CACNB4: variants seen among roughly 807,000 people sequenced by gnomAD.
CACNB4 encodes calcium voltage-gated channel auxiliary subunit beta 4.
In CACNB4, 32 loss-of-function variants were observed where a neutral mutation model predicts 71.2. The observed-to-expected ratio is 0.45, with a 90% CI of 0.34 to 0.60. The LOEUF (loss-of-function observed/expected upper bound fraction) is 0.60. CACNB4 is among the 20% of genes least tolerant of loss of function. CACNB4 has a pLI of 0.01. For missense variants in CACNB4, 464 were observed against 647.9 expected (o/e 0.72, Z 3.08); for synonymous variants, 231 against 236.9 (o/e 0.97, Z 0.23).
At chr2:151,895,337 C>T (rs931138997) in intron 2 of CACNB4, among the ~76,000 whole-genome samples, 10 of 152,128 alleles carry the variant, frequency 6.6e-5, no homozygotes, top group Admixed American at 3.9e-4. Context: ...CACCATGGCA[C>T]ATGCCTATAG....
intron 2 of CACNB4, among the ~76,000 whole-genome samples, chr2:151,949,833 A>G (rs1256626348): frequency 6.6e-6 from 1 of 152,146 alleles, no homozygotes; most frequent in Non-Finnish European, 1.5e-5. Flanking sequence ...GGATCACTTA[A>G]GGTCAGGAGT....
In CACNB4 at chr2:152,098,575, C is replaced by CCCCCCCCCCCCCCA; in HGVS notation, c.64-163_64-162insTGGGGGGGGGGGGG. On this transcript the variant is annotated intron_variant, in intron 1 of 13. Transcript: ENST00000539935. This position sits in a 1 kb window ranked among gnomAD's most constrained non-coding sequence, Gnocchi z 5.3. ...GACTCCCAAATACAGCCCCCACCCC[C>CCCCCCCCCCCCCCA]ACCCACCCACTGCAAGCCTCGACTG... 2.3e-6 allele frequency: 2 copies of CCCCCCCCCCCCCCA among 877,274 alleles called. No individual in the cohort carries two copies. The highest frequency in any genetic ancestry group is 3.8e-6 in the Non-Finnish European group (2 of 530,912). 54.3% of individuals were successfully genotyped at this position (877,274 alleles called of 1,614,324 possible).
At chr2:152,052,571 T>C (rs935609640) in intron 2 of CACNB4, among the ~76,000 whole-genome samples, 3 of 152,158 alleles carry the variant, frequency 2.0e-5, no homozygotes, top group African/African-American at 4.8e-5. Context: ...TGGGATTACA[T>C]GCATGAGCCA....
At chr2:151,951,452 C>A (rs7571637) in intron 2 of CACNB4, among the ~76,000 whole-genome samples, 73,825 of 152,028 alleles carry the variant, frequency 0.49, 21,666 homozygotes, top group Non-Finnish European at 0.66. Flanking sequence ...TTTCCAATTT[C>A]TTTTAAGGAT....
At chr2:152,037,076 G>A (rs1684633681) in intron 2 of CACNB4, among the ~76,000 whole-genome samples, 1 of 152,164 alleles carries the variant, frequency 6.6e-6, no homozygotes, top group South Asian at 2.1e-4. Flanking sequence ...TTCCACACTT[G>A]CGGCTCAGGC....
chr2:151,981,116 C>A (rs1403949204), intron 2 of CACNB4, among the ~76,000 whole-genome samples: 1 of 152,140 alleles, frequency 6.6e-6, no homozygotes, highest in Non-Finnish European at 1.5e-5. Context: ...TCCCATACTT[C>A]CATAACACTC....
At chr2:152,010,251 G>T (rs1027816932) in intron 2 of CACNB4, among the ~76,000 whole-genome samples, 3 of 152,158 alleles carry the variant, frequency 2.0e-5, no homozygotes, top group Admixed American at 2.0e-4. Context: ...ACTAAAACAG[G>T]TAGTCATAAT....
At chr2:152,080,373 G>A (rs1488436316) in intron 2 of CACNB4, among the ~76,000 whole-genome samples, 6 of 151,898 alleles carry the variant, frequency 4.0e-5, no homozygotes, top group East Asian at 1.9e-4. Context: ...CCCCTGCCTC[G>A]ACCTCCCAAA....
At chr2:151,981,806 T>G (rs1361139024) in intron 2 of CACNB4, among the ~76,000 whole-genome samples, 1 of 152,042 alleles carries the variant, frequency 6.6e-6, no homozygotes, top group Non-Finnish European at 1.5e-5. Context: ...ATCTTCACAG[T>G]AGAGCATTCA....
chr2:152,037,312 A>C (rs1349555304), intron 2 of CACNB4, among the ~76,000 whole-genome samples: 1 of 152,258 alleles, frequency 6.6e-6, no homozygotes, highest in Non-Finnish European at 1.5e-5. Flanking sequence ...TTTGAATATG[A>C]ATCAGGGAAG....
Position 152,098,385 on chromosome 2 carries a change from C to T in CACNB4, c.92G>A (p.Ser31Asn), listed in dbSNP as rs1481015494. Residue 31 changes from serine (S) to asparagine (N), a missense_variant, in exon 2 of 14, where the codon AGC becomes AAC. Physicochemically the swap from Ser to Asn is conservative, Grantham distance 46. Coordinates refer to ENST00000539935, the MANE Select transcript of CACNB4 (RefSeq NM_000726.5). The surrounding 1 kb of genome is among the most constrained non-coding windows in gnomAD (Gnocchi z 5.3). ...QVARGTTTRR[S>N]RLKRSDGSTT... ...GCTGCCATCGGATCTTTTCAACCTG[C>T]TCCTCCGGGTTGTGGTGCCTCGGGC... 9.9e-6 allele frequency: 16 copies of T among 1,613,600 alleles called. No homozygotes were observed. Among genetic ancestry groups the T allele is most frequent in the Non-Finnish European group, 1.3e-5 (15 of 1,179,666 alleles).
intron 2 of CACNB4, among the ~76,000 whole-genome samples, chr2:151,997,663 C>T (rs1032646085): frequency 6.6e-6 from 1 of 152,174 alleles, no homozygotes; most frequent in African/African-American, 2.4e-5. Context: ...CCACCAGACG[C>T]TGGAAGGTCA....
chr2:151,853,355 C>T (rs773193972), intron 12 of CACNB4, 93 bp downstream of exon 12: 9 of 696,354 alleles, frequency 1.3e-5, no homozygotes, highest in Admixed American at 3.2e-5. Flanking sequence ...TCATCACCAT[C>T]ATTTTAGAAT....
intron 2 of CACNB4, among the ~76,000 whole-genome samples, chr2:151,937,033 G>A (rs1179713849): frequency 6.6e-6 from 1 of 152,156 alleles, no homozygotes; most frequent in Non-Finnish European, 1.5e-5. Context: ...GACTCAGAGA[G>A]GCCTTCTCAG....
chr2:152,080,821 A>G (rs1368655914), intron 2 of CACNB4, among the ~76,000 whole-genome samples: 4 of 152,066 alleles, frequency 2.6e-5, no homozygotes, highest in African/African-American at 9.7e-5. Flanking sequence ...GCTCAGGGTA[A>G]TGAGTGATTT....
intron 2 of CACNB4, among the ~76,000 whole-genome samples, chr2:151,961,414 T>C (rs1417625537): frequency 6.6e-6 from 1 of 152,226 alleles, no homozygotes; most frequent in Non-Finnish European, 1.5e-5. Flanking sequence ...TTTGCTCCTA[T>C]TGCTAGACAT....
In CACNB4 at chr2:151,837,557, T is replaced by G. The variant is rs968983768; in HGVS notation, c.*1562A>C. On this transcript the variant is annotated 3_prime_UTR_variant, in exon 14 of 14. Transcript: ENST00000539935. ...TGACATGTACTAGCAGAAAAGAACT[T>G]TTATGGCTGGACTTATTGGGGTTTT... The G allele has an allele frequency of 6.6e-6, 1 of 152,030 alleles. No individual in the cohort carries two copies. Among genetic ancestry groups the G allele is most frequent in the African/African-American group, 2.4e-5 (1 of 41,428 alleles). The allele number at this position is 152,030 out of a possible 1,614,324, so 9.4% of individuals were successfully genotyped here.
At chr2:152,049,086 T>A (rs773987119) in intron 2 of CACNB4, among the ~76,000 whole-genome samples, 12 of 152,172 alleles carry the variant, frequency 7.9e-5, no homozygotes, top group Admixed American at 2.6e-4. Context: ...CAGCACTCCC[T>A]ATATCTTTAC....
chr2:152,058,784 C>G (rs1685854884), intron 2 of CACNB4, among the ~76,000 whole-genome samples: 1 of 152,236 alleles, frequency 6.6e-6, no homozygotes, highest in African/African-American at 2.4e-5. Context: ...GAAAATGTCT[C>G]CAGGGTATGT....
Sources: allele counts gnomAD v4.1 joint callset (sites outside exome capture counted in the v4.1 genomes callset), GRCh38; gene constraint gnomAD v4.1.1; non-coding constraint Gnocchi (gnomAD v3.1); transcripts MANE v1.5; gene names NCBI Gene and HGNC (gene_info 2026-07-23, HGNC 2026-07-21).